Variants in ZNF385D observed in about 807,000 individuals in gnomAD.
The protein encoded by ZNF385D is zinc finger protein 385D.
In ZNF385D, 15 loss-of-function variants were observed where a neutral mutation model predicts 35.8. The observed-to-expected ratio is 0.42, with a 90% CI of 0.28 to 0.64. ZNF385D has a LOEUF of 0.64. Among genes scored for constraint, ZNF385D ranks in the 30% least tolerant of loss-of-function variants. The pLI, the probability that ZNF385D is intolerant of heterozygous loss-of-function variation, is 0.23. For synonymous variants in ZNF385D, 212 were observed against 186.8 expected (o/e 1.13, Z -1.10); for missense variants, 474 against 494.6 (o/e 0.96, Z 0.39).
intron 3 of ZNF385D, among the ~76,000 whole-genome samples, chr3:22,109,712 C>T (rs938628106): frequency 6.6e-6 from 1 of 152,056 alleles, no homozygotes; most frequent in Non-Finnish European, 1.5e-5. Flanking sequence ...GATAGTTCAA[C>T]TCTGGGCAAG....
intron 1 of ZNF385D, among the ~76,000 whole-genome samples, chr3:21,700,110 A>G (rs906493204): frequency 2.0e-5 from 3 of 152,152 alleles, no homozygotes; most frequent in African/African-American, 7.2e-5. Context: ...TGTTGGGATT[A>G]CAGGCATGAG....
chr3:22,132,212 A>C (rs4858386), intron 3 of ZNF385D, among the ~76,000 whole-genome samples: 125,122 of 151,910 alleles, frequency 0.82, 52,358 homozygotes, highest in South Asian at 0.91. Context: ...GTAGAACCCT[A>C]ATGAATGGCA....
chr3:21,937,876 C>T lies in ZNF385D; in HGVS notation c.325+230941G>A, dbSNP rs369254827. On this transcript the variant is annotated intron_variant, in intron 3 of 5. Transcript: ENST00000494108. ...CTTTAAGTAGCCTCTATAACATAAG[C>T]GTATTTTCCAATCATTAATGTCTTA... Among the ~76,000 whole-genome samples, 14 of 152,176 alleles carry T rather than the reference C, an allele frequency of 9.2e-5. No homozygotes were observed. The East Asian group carries it at 2.3e-3, about 25-fold the overall frequency.
At chr3:21,458,023 G>A (rs1021959841) in intron 4 of ZNF385D, among the ~76,000 whole-genome samples, 25 of 152,064 alleles carry the variant, frequency 1.6e-4, no homozygotes, top group African/African-American at 5.3e-4. Flanking sequence ...TTCCTGAGAT[G>A]CTTAAGAGAA....
Position 21,663,890 on chromosome 3 carries a change from A to AATATATATAT in ZNF385D, c.165+986_165+995dup, listed in dbSNP as rs66691637. ...TGAAGAATTATTTAATTGTGGGCCG[A>AATATATATAT]ATATATATATATATATATATATATA... On this transcript the variant is annotated intron_variant, in intron 2 of 7. Coordinates refer to ENST00000281523, the MANE Select transcript of ZNF385D (RefSeq NM_024697.3). Among the ~76,000 whole-genome samples the AATATATATAT allele has an allele frequency of 3.3e-3, 211 of 64,404 alleles. 10 individuals carry two copies. The highest frequency in any genetic ancestry group is 6.4e-3 in the African/African-American group (103 of 16,064). The allele number at this position is 64,404 out of a possible 152,430, so 42.3% of individuals were successfully genotyped here. A position where few individuals can be genotyped will look rare whatever the true frequency, so the allele number is the denominator to read the frequency against.
chr3:22,036,063 G>A (rs1399136454), intron 3 of ZNF385D, among the ~76,000 whole-genome samples: 1 of 152,096 alleles, frequency 6.6e-6, no homozygotes, highest in Non-Finnish European at 1.5e-5. Context: ...GGTATCCTGG[G>A]AGGAATCCTA....
At chr3:21,588,406 T>A (rs1314924671) in intron 2 of ZNF385D, among the ~76,000 whole-genome samples, 1 of 150,114 alleles carries the variant, frequency 6.7e-6, no homozygotes, top group Non-Finnish European at 1.5e-5. Flanking sequence ...TCATATTTTA[T>A]GATTTAATTT....
chr3:22,123,003 T>G (rs1012769945), intron 3 of ZNF385D, among the ~76,000 whole-genome samples: 6 of 152,184 alleles, frequency 3.9e-5, no homozygotes, highest in African/African-American at 2.4e-5. Context: ...CTACTTTTAT[T>G]CCAAATGCAA....
At chr3:22,128,347 A>T (rs1559390404) in intron 3 of ZNF385D, among the ~76,000 whole-genome samples, 1 of 152,170 alleles carries the variant, frequency 6.6e-6, no homozygotes, top group East Asian at 1.9e-4. Context: ...GAGTCTGATT[A>T]TTAAATTTCG....
At chr3:22,088,888 C>T (rs151049097) in intron 3 of ZNF385D, among the ~76,000 whole-genome samples, 175 of 152,084 alleles carry the variant, frequency 1.2e-3, no homozygotes, top group African/African-American at 4.1e-3. Context: ...TAAATAGCAT[C>T]AAGAGAAGAC....
rs201635507 is a variant in ZNF385D at position 21,564,601 on chromosome 3, G to T, written c.249C>A (p.Asn83Lys). The T allele has an allele frequency of 9.6e-5, 149 of 1,557,050 alleles. No homozygotes were observed. The highest frequency in any genetic ancestry group is 1.3e-4 in the Non-Finnish European group (144 of 1,150,716). ...CAGAATTAAATCTCAACTGGCAAAT[G>T]TTGCATGATATGATTTGCTTTCTTC... ...PHRRKQIISC[N>K]ICQLRFNSDS... The change falls in exon 3 of 8, where the codon AAC (asparagine) becomes AAA (lysine). Residue 83 changes from asparagine to lysine, a missense_variant. Asn to Lys is a moderately conservative substitution (Grantham distance 94). Coordinates refer to ENST00000281523, the MANE Select transcript of ZNF385D (RefSeq NM_024697.3).
intron 3 of ZNF385D, among the ~76,000 whole-genome samples, chr3:22,034,943 G>A (rs1698222446): frequency 6.6e-6 from 1 of 152,070 alleles, no homozygotes; most frequent in Non-Finnish European, 1.5e-5. Context: ...TGATTTACAT[G>A]TCAAATACTT....
chr3:21,559,614 T>C (rs560037219), intron 3 of ZNF385D, among the ~76,000 whole-genome samples: 2 of 152,264 alleles, frequency 1.3e-5, no homozygotes, highest in South Asian at 4.1e-4. Flanking sequence ...ATTTCAACCT[T>C]AGTGAATCTG....
intron 3 of ZNF385D, among the ~76,000 whole-genome samples, chr3:21,860,659 C>T (rs887957877): frequency 5.3e-5 from 8 of 152,112 alleles, no homozygotes; most frequent in African/African-American, 1.9e-4. Flanking sequence ...TTAATAAAAT[C>T]CTTTCAATAG....
At chr3:22,212,239 C>T (rs1697572316) in intron 2 of ZNF385D, among the ~76,000 whole-genome samples, 1 of 151,992 alleles carries the variant, frequency 6.6e-6, no homozygotes, top group Admixed American at 6.6e-5. Context: ...GCTGCCTCAT[C>T]CCACCTCCTT....
intron 3 of ZNF385D, among the ~76,000 whole-genome samples, chr3:21,974,796 G>A (rs1425508163): frequency 6.6e-6 from 1 of 152,036 alleles, no homozygotes; most frequent in East Asian, 1.9e-4. Flanking sequence ...GCACGCAAAT[G>A]GCAAACAAGG....
chr3:22,058,509 T>C (rs1699527111), intron 3 of ZNF385D, among the ~76,000 whole-genome samples: 1 of 152,162 alleles, frequency 6.6e-6, no homozygotes, highest in South Asian at 2.1e-4. Context: ...TGAGGCAATG[T>C]TTCCAACTCC....
chr3:21,953,237 T>G (rs551587610), intron 3 of ZNF385D, among the ~76,000 whole-genome samples: 1 of 151,174 alleles, frequency 6.6e-6, no homozygotes, highest in East Asian at 2.0e-4. Flanking sequence ...CAGCAGAACT[T>G]ACAAACTAGA....
rs1354062266 is a variant in ZNF385D, at chr3:21,913,704, TGCTTG to T, written c.326-248681_326-248677del. 7.9e-5 allele frequency among the ~76,000 whole-genome samples: 12 copies of T among 152,262 alleles called. No homozygotes were observed. In the East Asian group the frequency reaches 1.9e-3, roughly 24 times the overall value. ...ATCAAATTCAGATGAAAGTATCAGA[TGCTTG>T]GCTTTCCAAAGAGAGATTAGAACTC... On this transcript the variant is annotated intron_variant, in intron 3 of 5. Coordinates refer to the ZNF385D transcript ENST00000494108.
Sources: gnomAD v4.1 joint callset for allele counts (sites outside exome capture counted in the v4.1 genomes callset) on GRCh38, gnomAD v4.1.1 for gene constraint, MANE v1.5 for transcripts, NCBI Gene and HGNC (gene_info 2026-07-23, HGNC 2026-07-21) for gene names.